RNF228: variants seen among roughly 807,000 people sequenced by gnomAD.
RNF228 encodes ring finger protein 228.
chr2:222,319,288 CGTAGTG>C, the RNF228 span: 2 of 343,252 alleles, frequency 5.8e-6, no homozygotes, highest in Non-Finnish European at 1.1e-5. This position sits in a 1 kb window ranked among gnomAD's most constrained non-coding sequence, Gnocchi z 7.6. Flanking sequence ...CCCCCGCCGC[CGTAGTG>C]GTTGACGAAG....
chr2:222,318,329 G>T, the RNF228 span: 1 of 152,344 alleles, frequency 6.6e-6, no homozygotes, highest in Non-Finnish European at 1.5e-5. Context: ...GCCACTCCGA[G>T]TCGGCTCCGA....
At chr2:222,320,027 C>T in the RNF228 span, among the ~76,000 whole-genome samples, 1 of 152,162 alleles carries the variant, frequency 6.6e-6, no homozygotes, top group Non-Finnish European at 1.5e-5. Context: ...TGCTTGGGCT[C>T]TGCTGGCTGC....
At chr2:222,316,438 A>G in the RNF228 span, among the ~76,000 whole-genome samples, 6 of 152,272 alleles carry the variant, frequency 3.9e-5, no homozygotes, top group Non-Finnish European at 8.8e-5. Context: ...CGTGCAATCT[A>G]TAATAGAAGC....
At chr2:222,318,994 G>C in the RNF228 span, 28 of 153,862 alleles carry the variant, frequency 1.8e-4, no homozygotes, top group Admixed American at 1.5e-3. Context: ...CGCGGGGCTG[G>C]AGGTGCAGGC....
chr2:222,316,616 C>A, the RNF228 span, among the ~76,000 whole-genome samples: 1 of 152,196 alleles, frequency 6.6e-6, no homozygotes, highest in South Asian at 2.1e-4. Context: ...GCCAGTTTAG[C>A]ACACATAAAA....
the RNF228 span, among the ~76,000 whole-genome samples, chr2:222,314,646 C>A: frequency 1.3e-5 from 2 of 152,048 alleles, no homozygotes; most frequent in African/African-American, 2.4e-5. Flanking sequence ...AAAGAGGGTA[C>A]GAGTTGAATC....
chr2:222,320,138 C>A, the RNF228 span, among the ~76,000 whole-genome samples: 1 of 152,022 alleles, frequency 6.6e-6, no homozygotes, highest in Non-Finnish European at 1.5e-5. Flanking sequence ...GGGCTCCGGG[C>A]GGGGAGGAGG....
the RNF228 span, chr2:222,319,249 C>A: frequency 3.0e-6 from 1 of 331,090 alleles, no homozygotes; most frequent in Non-Finnish European, 5.5e-6. The surrounding 1 kb of genome is among the most constrained non-coding windows in gnomAD (Gnocchi z 7.6). Flanking sequence ...GCCGGTGCCT[C>A]GCCAGGGGGC....
chr2:222,318,673 A>T, the RNF228 span: 154 of 152,348 alleles, frequency 1.0e-3, 2 homozygotes, highest in Non-Finnish European at 1.9e-3. Flanking sequence ...TCGTCTCTGC[A>T]GATCTTTGTG....
chr2:222,317,055 A>G, the RNF228 span, among the ~76,000 whole-genome samples: 1 of 152,196 alleles, frequency 6.6e-6, no homozygotes, highest in Non-Finnish European at 1.5e-5. Flanking sequence ...CAGGGTCATT[A>G]TTCCTAGAAA....
the RNF228 span, among the ~76,000 whole-genome samples, chr2:222,315,692 G>T: frequency 6.6e-6 from 1 of 152,150 alleles, no homozygotes; most frequent in Non-Finnish European, 1.5e-5. Context: ...CGGTCTTTCC[G>T]ACTAAAGAGA....
chr2:222,319,260 G>A, the RNF228 span: 2 of 335,724 alleles, frequency 6.0e-6, no homozygotes, highest in East Asian at 4.2e-5. This position sits in a 1 kb window ranked among gnomAD's most constrained non-coding sequence, Gnocchi z 7.6. Flanking sequence ...GCCAGGGGGC[G>A]CCCCGCCTCC....
the RNF228 span, chr2:222,319,188 GC>G: frequency 6.3e-6 from 2 of 315,060 alleles, no homozygotes; most frequent in Non-Finnish European, 1.2e-5. The surrounding 1 kb of genome is among the most constrained non-coding windows in gnomAD (Gnocchi z 7.6). Context: ...CAGGATGCTG[GC>G]CACCGACAGG....
At chr2:222,314,870 G>C in the RNF228 span, among the ~76,000 whole-genome samples, 6 of 152,278 alleles carry the variant, frequency 3.9e-5, no homozygotes, top group Non-Finnish European at 8.8e-5. Context: ...TTTTTTCCCA[G>C]TTACGCAGGT....
At chr2:222,318,720 G>C in the RNF228 span, 2 of 151,926 alleles carry the variant, frequency 1.3e-5, no homozygotes, top group Admixed American at 6.6e-5. Flanking sequence ...TGACGAGGAC[G>C]AGGGTGGTGC....
chr2:222,316,112 C>T, the RNF228 span, among the ~76,000 whole-genome samples: 1 of 152,348 alleles, frequency 6.6e-6, no homozygotes, highest in South Asian at 2.1e-4. Context: ...GCTATTTCAA[C>T]AATTACTTCT....
chr2:222,318,780 C>CG, the RNF228 span: 2 of 150,270 alleles, frequency 1.3e-5, no homozygotes, highest in East Asian at 2.0e-4. Flanking sequence ...GACCCCCCCC[C>CG]CCCACCAACA....
chr2:222,315,077 T>C, the RNF228 span, among the ~76,000 whole-genome samples: 8 of 76,492 alleles, frequency 1.0e-4, no homozygotes, highest in East Asian at 3.3e-4. Context: ...TTGCCATAAG[T>C]ATTTTTTTTT....
At chr2:222,316,818 A>AG in the RNF228 span, among the ~76,000 whole-genome samples, 2 of 152,254 alleles carry the variant, frequency 1.3e-5, no homozygotes, top group East Asian at 3.8e-4. Context: ...GTAAATAAAG[A>AG]ATGAATAAGA....
Sources: gnomAD v4.1 joint callset for allele counts (sites outside exome capture counted in the v4.1 genomes callset) on GRCh38, gnomAD v4.1.1 for gene constraint, Gnocchi (gnomAD v3.1) non-coding constraint, MANE v1.5 for transcripts, NCBI Gene and HGNC (gene_info 2026-07-23, HGNC 2026-07-21) for gene names.